Variants in RPS6KA1 observed in about 807,000 individuals in gnomAD.
The protein encoded by RPS6KA1 is ribosomal protein S6 kinase A1.
In RPS6KA1, 48 loss-of-function variants were observed where a neutral mutation model predicts 91.3. That is an observed-to-expected ratio of 0.53 (90% CI 0.42 to 0.67). The LOEUF (loss-of-function observed/expected upper bound fraction) is 0.67, where lower values mean the gene tolerates loss of function less well. Ranked by LOEUF, RPS6KA1 falls within the 30% of genes least tolerant of loss-of-function variation. The pLI is 0.00. For synonymous variants in RPS6KA1, 359 were observed against 384.7 expected, an observed-to-expected ratio of 0.93 and a Z score of 0.78; for missense variants, 719 against 960.5, an observed-to-expected ratio of 0.75 and a Z score of 3.32.
chr1:26,566,255 G>A (rs1380025565), intron 17 of RPS6KA1, among the ~76,000 whole-genome samples: 2 of 150,704 alleles, frequency 1.3e-5, no homozygotes, highest in Non-Finnish European at 2.9e-5. Context: ...ATTCTGGTGG[G>A]TGTGGAGTGG....
Position 26,560,765 on chromosome 1 carries a change from G to T in RPS6KA1, c.1255G>T (p.Val419Leu), listed in dbSNP as rs373923998. ...GAACCTGGTTTTTAGTGACGGCTAC[G>T]TGGTAAAGGAGACAATTGGTGTGGG... ...GKNLVFSDGYVVKETIGVGSY... is the reference protein window; with the variant it reads ...GKNLVFSDGYLVKETIGVGSY... Residue 419 changes from valine (V) to leucine (L), a missense_variant, in exon 15 of 22, where the codon GTG (valine) becomes TTG (leucine). This residue lies in a region of RPS6KA1 where 228 missense variants were observed against 247.6 expected (regional missense o/e 0.92). Transcript: ENST00000374168. 6.2e-7 allele frequency: 1 copy of T among 1,614,090 alleles called. No homozygotes were observed. The highest frequency in any genetic ancestry group is 8.5e-7 in the Non-Finnish European group (1 of 1,180,038).
rs1334908970 is a variant in RPS6KA1, at chr1:26,572,011, G to C, written c.1829+86G>C. 5.6e-6 allele frequency: 8 copies of C among 1,422,058 alleles called. No individual in the cohort carries two copies. In the Admixed American group the frequency reaches 1.1e-4, roughly 19 times the overall value. 88.1% of individuals were successfully genotyped at this position (1,422,058 alleles called of 1,614,324 possible). On this transcript the variant is annotated intron_variant, in intron 19 of 21. Coordinates refer to ENST00000374168, the MANE Select transcript of RPS6KA1 (RefSeq NM_002953.4). ...GTGCTTGTCTGATAGGAATGGCTCAGCCAGCCCCGCCCCAGGATGGTCTGG... is the reference window on the plus strand; with the variant it reads ...GTGCTTGTCTGATAGGAATGGCTCACCCAGCCCCGCCCCAGGATGGTCTGG...
At position 26,571,345 on chromosome 1, in the gene RPS6KA1, G is replaced by T; in HGVS notation, c.1591-104G>T. The T allele has an allele frequency of 9.2e-7, 1 of 1,081,522 alleles. No individual in the cohort carries two copies. The highest frequency in any genetic ancestry group is 1.4e-6 in the Non-Finnish European group (1 of 729,586). 67.0% of individuals were successfully genotyped at this position (1,081,522 alleles called of 1,614,324 possible). ...TCTCGGATGCCAAGTCCATGCACCC[G>T]TCCCTCTGCACCCTGTCTGTGTAGC... On this transcript the variant is annotated intron_variant, in intron 17 of 21. Coordinates refer to ENST00000374168, the MANE Select transcript of RPS6KA1 (RefSeq NM_002953.4). This position sits in a 1 kb window ranked among gnomAD's most constrained non-coding sequence, Gnocchi z 5.1.
At chr1:26,553,947 A>G (rs1036602623) in intron 7 of RPS6KA1, 62 of 424,082 alleles carry the variant, frequency 1.5e-4, no homozygotes, top group Non-Finnish European at 1.3e-4. Flanking sequence ...CTGTAGAGCT[A>G]CTTAACTGCC....
chr1:26,564,448 C>T (rs1248559134), intron 17 of RPS6KA1, among the ~76,000 whole-genome samples: 1 of 152,072 alleles, frequency 6.6e-6, no homozygotes, highest in East Asian at 1.9e-4. Flanking sequence ...TTAGTAGAGA[C>T]GGGGTTTCAC....
Position 26,554,462 on chromosome 1 carries a change from TG to T in RPS6KA1, c.614-131del. 1 of 1,277,882 alleles carries T rather than the reference TG, an allele frequency of 7.8e-7. No homozygotes were observed. Among genetic ancestry groups the T allele is most frequent in the Non-Finnish European group, 1.1e-6 (1 of 911,040 alleles). 79.2% of individuals were successfully genotyped at this position (1,277,882 alleles called of 1,614,324 possible). On this transcript the variant is annotated intron_variant, in intron 8 of 21. Transcript: ENST00000374168. This position sits in a 1 kb window ranked among gnomAD's most constrained non-coding sequence, Gnocchi z 4.6. ...CGTTGAGCAAGTCACCTGACCTCTC[TG>T]GGCCTTAGCTTCCTCCTGAGTGTCA...
At chr1:26,564,525 T>C (rs1015765236) in intron 17 of RPS6KA1, among the ~76,000 whole-genome samples, 18 of 152,214 alleles carry the variant, frequency 1.2e-4, no homozygotes, top group Non-Finnish European at 4.4e-5. Context: ...CCCAAAGAGC[T>C]GAGATACCAA....
chr1:26,545,973 C>T (rs2075991385), intron 2 of RPS6KA1: 2 of 1,607,596 alleles, frequency 1.2e-6, no homozygotes, highest in Middle Eastern at 1.8e-4. Flanking sequence ...GAAGCAGCGG[C>T]CCAGGATCAG....
intron 14 of RPS6KA1, among the ~76,000 whole-genome samples, chr1:26,559,182 G>A (rs535478289): frequency 2.6e-4 from 40 of 152,310 alleles, no homozygotes; most frequent in Non-Finnish European, 5.6e-4. Flanking sequence ...GGTGCCCAGG[G>A]TGGTGGTGCC....
rs776944510 is a variant in RPS6KA1 at position 26,551,609 on chromosome 1, G to A, written c.389-35G>A. ...CCGGAGAAGCAGATCATAAGGCCGCGCCGACTCTACCATTGCCTTTCTCCC... is the reference window on the plus strand; with the variant it reads ...CCGGAGAAGCAGATCATAAGGCCGCACCGACTCTACCATTGCCTTTCTCCC... On this transcript the variant is annotated intron_variant, in intron 5 of 21. Coordinates refer to ENST00000374168, the MANE Select transcript of RPS6KA1 (RefSeq NM_002953.4). The surrounding 1 kb of genome is among the most constrained non-coding windows in gnomAD (Gnocchi z 4.5). 2.4e-5 allele frequency: 38 copies of A among 1,606,922 alleles called. No individual in the cohort carries two copies. Among genetic ancestry groups the A allele is most frequent in the Non-Finnish European group, 2.6e-5 (30 of 1,173,530 alleles).
chr1:26,543,354 C>T, intron 2 of RPS6KA1: 1 of 699,724 alleles, frequency 1.4e-6, no homozygotes, highest in Non-Finnish European at 2.5e-6. Context: ...TGCTCTCAGT[C>T]AGAGGCAGAC....
In RPS6KA1 at chr1:26,561,988, AG is replaced by A. The variant is rs1557510275; in HGVS notation, c.1590+327del. On this transcript the variant is annotated intron_variant, in intron 17 of 21. Coordinates refer to ENST00000374168, the MANE Select transcript of RPS6KA1 (RefSeq NM_002953.4). The surrounding 1 kb of genome is among the most constrained non-coding windows in gnomAD (Gnocchi z 5.7). ...GAGGGCAACGCAGGTGGATCACTTG[AG>A]GTCAGGAGTTTGACACCAGCCTGGC... Among the ~76,000 whole-genome samples, 1 of 152,134 alleles carries A rather than the reference AG, an allele frequency of 6.6e-6. No homozygotes were observed. The highest frequency in any genetic ancestry group is 1.5e-5 in the Non-Finnish European group (1 of 68,016).
chr1:26,551,300 T>A lies in RPS6KA1; in HGVS notation c.308-97T>A. On this transcript the variant is annotated intron_variant, in intron 4 of 21. Coordinates refer to ENST00000374168, the MANE Select transcript of RPS6KA1 (RefSeq NM_002953.4). This position sits in a 1 kb window ranked among gnomAD's most constrained non-coding sequence, Gnocchi z 4.5. ...TGAGGGGGCTTTGGGAGCTCAGGCC[T>A]GGAGGAACAAGTGGAAAAGAGATCC... 3.7e-6 allele frequency: 4 copies of A among 1,084,096 alleles called. No homozygotes were observed. The highest frequency in any genetic ancestry group is 5.6e-6 in the Non-Finnish European group (4 of 711,844). 67.2% of individuals were successfully genotyped at this position (1,084,096 alleles called of 1,614,324 possible). A position where few individuals can be genotyped will look rare whatever the true frequency, so the allele number is the denominator to read the frequency against.
Position 26,555,709 on chromosome 1 carries a change from G to A in RPS6KA1, c.916+84G>A, listed in dbSNP as rs2076095092. On this transcript the variant is annotated intron_variant, in intron 11 of 21. Coordinates refer to ENST00000374168, the MANE Select transcript of RPS6KA1 (RefSeq NM_002953.4). This position sits in a 1 kb window ranked among gnomAD's most constrained non-coding sequence, Gnocchi z 4.3. ...GCCTAGGCCACAGGGCCACATCTGG[G>A]CTGAAAGGGGCCGTTGTCCTTTGTG... The A allele has an allele frequency of 1.5e-6, 2 of 1,298,406 alleles. No individual in the cohort carries two copies. Among genetic ancestry groups the A allele is most frequent in the Non-Finnish European group, 2.2e-6 (2 of 918,168 alleles). The allele number at this position is 1,298,406 out of a possible 1,614,324, so 80.4% of individuals were successfully genotyped here.
intron 17 of RPS6KA1, among the ~76,000 whole-genome samples, chr1:26,562,441 G>T (rs983454087): frequency 1.3e-5 from 2 of 152,166 alleles, no homozygotes; most frequent in African/African-American, 2.4e-5. Context: ...GAGCTGCAAG[G>T]CTTCAGGGAG....
chr1:26,551,862 C>G lies in RPS6KA1; in HGVS notation c.468+139C>G, dbSNP rs2076053744. The G allele has an allele frequency of 2.8e-6, 2 of 707,916 alleles. No individual in the cohort carries two copies. The highest frequency in any genetic ancestry group is 2.3e-5 in the Admixed American group (1 of 43,190). 43.9% of individuals were successfully genotyped at this position (707,916 alleles called of 1,614,324 possible). A position where few individuals can be genotyped will look rare whatever the true frequency, so the allele number is the denominator to read the frequency against. On this transcript the variant is annotated intron_variant, in intron 6 of 21. Coordinates refer to ENST00000374168, the MANE Select transcript of RPS6KA1 (RefSeq NM_002953.4). The surrounding 1 kb of genome is among the most constrained non-coding windows in gnomAD (Gnocchi z 4.5). Reference sequence around the variant, plus strand: ...CCAGGCCTGCCTAGCAGCCCCTGGCCCAGGAAATACCACGCACCCTGGAAT... The same window carrying G: ...CCAGGCCTGCCTAGCAGCCCCTGGCGCAGGAAATACCACGCACCCTGGAAT...
rs557074804 is a variant in RPS6KA1, at chr1:26,554,490, G to A, written c.614-106G>A. On this transcript the variant is annotated intron_variant, in intron 8 of 21. Transcript: ENST00000374168. This position sits in a 1 kb window ranked among gnomAD's most constrained non-coding sequence, Gnocchi z 4.6. ...GCCTTAGCTTCCTCCTGAGTGTCAT[G>A]GGGGTGATGCCTTCTGGCCTCTGGG... is the stretch of plus-strand genomic sequence containing the variant. 5 of 1,428,260 alleles carry A rather than the reference G, an allele frequency of 3.5e-6. No homozygotes were observed. In the African/African-American group the frequency reaches 4.3e-5, roughly 12 times the overall value. 88.5% of individuals were successfully genotyped at this position (1,428,260 alleles called of 1,614,324 possible).
Position 26,555,574 on chromosome 1 carries a change from G to T in RPS6KA1, c.865G>T (p.Ala289Ser). 1.9e-6 allele frequency: 3 copies of T among 1,601,460 alleles called. No individual in the cohort carries two copies. The highest frequency in any genetic ancestry group is 2.3e-5 in the East Asian group (1 of 44,388). ...LGMPQFLSTE[A>S]QSLLRALFKR... ...CATGCCCCAGTTTCTGAGCACTGAAGCCCAGAGCCTCTTGCGGGCCCTGTT... is the reference window on the plus strand; with the variant it reads ...CATGCCCCAGTTTCTGAGCACTGAATCCCAGAGCCTCTTGCGGGCCCTGTT... The change falls in exon 11 of 22, where the codon GCC becomes TCC. Residue 289 changes from alanine (A) to serine (S), a missense_variant. By Grantham distance (99) the Ala-to-Ser change is moderately conservative. This residue lies in a region of RPS6KA1 where 228 missense variants were observed against 247.6 expected (regional missense o/e 0.92). Transcript: ENST00000374168. The surrounding 1 kb of genome is among the most constrained non-coding windows in gnomAD (Gnocchi z 4.3).
At chr1:26,535,339 T>C (rs1336964053) in intron 1 of RPS6KA1, among the ~76,000 whole-genome samples, 1 of 151,722 alleles carries the variant, frequency 6.6e-6, no homozygotes, top group Non-Finnish European at 1.5e-5. Flanking sequence ...ATGTAATGGG[T>C]AGAGCACAGC....
Sources: gnomAD v4.1 joint callset for allele counts (sites outside exome capture counted in the v4.1 genomes callset) on GRCh38, gnomAD v4.1.1 for gene constraint, gnomAD v4.1.1 regional missense constraint, Gnocchi (gnomAD v3.1) non-coding constraint, MANE v1.5 for transcripts, NCBI Gene and HGNC (gene_info 2026-07-23, HGNC 2026-07-21) for gene names.